Variants in VGLL1 observed in about 807,000 individuals in gnomAD.
The protein encoded by VGLL1 is vestigial like family member 1, also known as transcription cofactor vestigial-like protein 1.
VGLL1 carries 4 observed loss-of-function variants against 12.0 expected under a neutral mutation model. The ratio of observed to expected loss-of-function variants is 0.33; its 90% CI spans 0.16 to 0.76. VGLL1 has a LOEUF of 0.76. Among genes scored for constraint, VGLL1 ranks in the 30% least tolerant of loss-of-function variants. The pLI, the probability that VGLL1 is intolerant of heterozygous loss-of-function variation, is 0.60. For synonymous variants in VGLL1, 87 were observed against 81.2 expected (o/e 1.07, Z -0.39); for missense variants, 204 against 208.7 (o/e 0.98, Z 0.14).
At chrX:136,540,677 T>A (rs750406627) in intron 2 of VGLL1, among the ~76,000 whole-genome samples, 1 of 112,149 alleles carries the variant, frequency 8.9e-6, no homozygotes, top group African/African-American at 3.2e-5. Flanking sequence ...AGGGACTCAA[T>A]CTGTTAACTG....
intron 1 of VGLL1, among the ~76,000 whole-genome samples, 185 bp from the exon 2 acceptor site, chrX:136,535,811 T>G (rs2148529384): frequency 9.0e-6 from 1 of 111,549 alleles, no homozygotes; most frequent in African/African-American, 3.3e-5. Context: ...CCTTGAAGAC[T>G]GATTAGACAA....
At chrX:136,549,660 C>T (rs1383013283) in intron 3 of VGLL1, among the ~76,000 whole-genome samples, 1 of 109,972 alleles carries the variant, frequency 9.1e-6, no homozygotes, top group Admixed American at 9.8e-5. Context: ...TTACTCACCT[C>T]TTCATTCACT....
intron 2 of VGLL1, among the ~76,000 whole-genome samples, chrX:136,547,939 C>T (rs746072443): frequency 1.9e-4 from 21 of 112,080 alleles, no homozygotes; most frequent in African/African-American, 6.5e-4. Flanking sequence ...ACTTACTGTA[C>T]AGCACTTTAA....
intron 2 of VGLL1, among the ~76,000 whole-genome samples, chrX:136,540,099 C>T (rs1280632667): frequency 2.7e-5 from 3 of 112,014 alleles, no homozygotes; most frequent in Non-Finnish European, 5.6e-5. Flanking sequence ...CAGTCACCTC[C>T]TAATTGGTCT....
chrX:136,545,066 A>G (rs987146493), intron 2 of VGLL1, among the ~76,000 whole-genome samples: 3 of 112,599 alleles, frequency 2.7e-5, no homozygotes, highest in Non-Finnish European at 3.8e-5. Context: ...TTGAGTGCCA[A>G]TTGTGTACCA....
chrX:136,534,304 C>CT (rs2075833949), intron 1 of VGLL1, among the ~76,000 whole-genome samples: 1 of 112,341 alleles, frequency 8.9e-6, no homozygotes, highest in African/African-American at 3.2e-5. Flanking sequence ...ATGCCCTTTC[C>CT]TAGTCAATCT....
chrX:136,549,253 A>C (rs2075878823), intron 3 of VGLL1, among the ~76,000 whole-genome samples: 1 of 112,098 alleles, frequency 8.9e-6, no homozygotes, highest in African/African-American at 3.2e-5. Flanking sequence ...TACTCACCCT[A>C]GCCTGTCAAC....
chrX:136,546,548 C>A lies in VGLL1; in HGVS notation c.215-2041C>A, dbSNP rs534934279. ...GGACTTTGGGCTGTGGCACACCAAA[C>A]CACTTCCCTTAACATTTCAGAGAAT... On this transcript the variant is annotated intron_variant, in intron 2 of 4. Coordinates refer to ENST00000370634, the MANE Select transcript of VGLL1 (RefSeq NM_016267.4). Among the ~76,000 whole-genome samples the A allele has an allele frequency of 3.6e-5, 4 of 112,355 alleles. No homozygotes were observed. In the South Asian group the frequency reaches 1.1e-3, roughly 31 times the overall value.
At position 136,548,634 on chromosome X, in the gene VGLL1, C is replaced by G. The variant is rs1377850680; in HGVS notation, c.260C>G (p.Thr87Arg). Residue 87 changes from threonine (T) to arginine (R), a missense_variant, in exon 3 of 5, where the codon ACA becomes AGA. Thr to Arg is a moderately conservative substitution (Grantham distance 71). Transcript: ENST00000370634. The stretch of plus-strand genomic sequence containing the variant: ...CAGTGGCGTTACTCGTCTCCATGGA[C>G]AAAGCCACAACCAGAAGTACCTGTC... ...PNQWRYSSPW[T>R]KPQPEVPVTN... 2 of 1,210,343 alleles carry G rather than the reference C, an allele frequency of 1.7e-6. No individual in the cohort carries two copies. The highest frequency in any genetic ancestry group is 2.2e-6 in the Non-Finnish European group (2 of 895,301).
Position 136,556,333 on chromosome X carries a change from G to A in VGLL1, c.689-118G>A, listed in dbSNP as rs770701488. On this transcript the variant is annotated intron_variant, in intron 4 of 4. Coordinates refer to ENST00000370634, the MANE Select transcript of VGLL1 (RefSeq NM_016267.4). ...ATGAGTTTCTGTCTTCCCTTCCTCTGAGGTTGAGGACTCTGGTATCTGACA... is the reference window on the plus strand; with the variant it reads ...ATGAGTTTCTGTCTTCCCTTCCTCTAAGGTTGAGGACTCTGGTATCTGACA... 16 of 481,676 alleles carry A rather than the reference G, an allele frequency of 3.3e-5. No individual in the cohort carries two copies. The African/African-American group carries it at 3.8e-4, about 11-fold the overall frequency. 39.7% of individuals were successfully genotyped at this position (481,676 alleles called of 1,213,427 possible).
chrX:136,548,678 T>A lies in VGLL1; in HGVS notation c.304T>A (p.Cys102Ser). ...EVPVTNRAAN[C>S]NLHVPGPMAV... is the part of the protein sequence containing the mutation. ...ACCTGTCACAAACCGTGCCGCCAAC[T>A]GCAACTTGCATGTGCCTGGTCCCAT... The change falls in exon 3 of 5, where the codon TGC becomes AGC. Residue 102 changes from cysteine (C) to serine (S), a missense_variant. Physicochemically the swap from Cys to Ser is moderately radical, Grantham distance 112. Transcript: ENST00000370634. 1 of 1,212,093 alleles carries A rather than the reference T, an allele frequency of 8.3e-7. No homozygotes were observed. The highest frequency in any genetic ancestry group is 1.1e-6 in the Non-Finnish European group (1 of 895,569).
At position 136,548,832 on chromosome X, in the gene VGLL1, G is replaced by C; in HGVS notation, c.458G>C (p.Arg153Pro). 1 of 1,211,950 alleles carries C rather than the reference G, an allele frequency of 8.3e-7. No homozygotes were observed. The highest frequency in any genetic ancestry group is 1.1e-6 in the Non-Finnish European group (1 of 895,550). The change falls in exon 3 of 5, where the codon CGG (arginine) becomes CCG (proline). Residue 153 changes from arginine (R) to proline (P), a missense_variant. Physicochemically the swap from Arg to Pro is moderately radical, Grantham distance 103. Transcript: ENST00000370634. Reference sequence around the variant, plus strand: ...GGCTACTCTCATCCCTTCCCCGCTCGGCACCTGGTTCCAGAGCCCCAGCCT... The same window carrying C: ...GGCTACTCTCATCCCTTCCCCGCTCCGCACCTGGTTCCAGAGCCCCAGCCT... ...EPGYSHPFPA[R>P]HLVPEPQPDG... is the part of the protein sequence containing the mutation.
intron 2 of VGLL1, 31 bp downstream of exon 2, chrX:136,536,265 T>C: frequency 8.5e-7 from 1 of 1,174,720 alleles, no homozygotes; most frequent in Non-Finnish European, 1.2e-6. Context: ...GGAGCTGGGA[T>C]TCCCTATCAA....
chrX:136,548,558 C>A, intron 2 of VGLL1, 31 bp from the exon 3 acceptor site: 1 of 1,187,813 alleles, frequency 8.4e-7, no homozygotes, highest in Non-Finnish European at 1.1e-6. Flanking sequence ...CAATAAACAC[C>A]TAACATGTCT....
intron 2 of VGLL1, among the ~76,000 whole-genome samples, chrX:136,540,157 T>G (rs952679124): frequency 8.9e-6 from 1 of 111,773 alleles, no homozygotes; most frequent in Admixed American, 9.5e-5. Context: ...AGGAGGGCAG[T>G]CAGAATGGTA....
intron 2 of VGLL1, among the ~76,000 whole-genome samples, chrX:136,543,436 G>A (rs916108946): frequency 3.6e-5 from 4 of 111,902 alleles, no homozygotes; most frequent in African/African-American, 1.3e-4. Flanking sequence ...CTTTCACAGT[G>A]CAAAGTGTGC....
intron 4 of VGLL1, among the ~76,000 whole-genome samples, chrX:136,553,959 G>A (rs1179594150): frequency 8.9e-6 from 1 of 112,362 alleles, no homozygotes; most frequent in Non-Finnish European, 1.9e-5. Context: ...GGTAGAAATA[G>A]ACATACTGGT....
chrX:136,545,475 C>T (rs1394313120), intron 2 of VGLL1, among the ~76,000 whole-genome samples: 1 of 111,714 alleles, frequency 9.0e-6, no homozygotes, highest in African/African-American at 3.3e-5. Context: ...TCTCAGCTCT[C>T]GCCAAGCTTA....
At chrX:136,549,948 T>C (rs915887835) in intron 3 of VGLL1, among the ~76,000 whole-genome samples, 4 of 112,242 alleles carry the variant, frequency 3.6e-5, no homozygotes, top group African/African-American at 1.3e-4. Context: ...GTGGTTCTAG[T>C]GTTCCATGCC....
Sources: gnomAD v4.1 joint callset for allele counts (sites outside exome capture counted in the v4.1 genomes callset) on GRCh38, gnomAD v4.1.1 for gene constraint, MANE v1.5 for transcripts, NCBI Gene and HGNC (gene_info 2026-07-23, HGNC 2026-07-21) for gene names.